EPHB1: variants seen among roughly 807,000 people sequenced by gnomAD.
The protein encoded by EPHB1 is ephrin type-B receptor 1.
Under a neutral mutation model 94.4 loss-of-function variants are expected in EPHB1, and 30 were observed. The ratio of observed to expected loss-of-function variants is 0.32; its 90% CI spans 0.24 to 0.43. The LOEUF (loss-of-function observed/expected upper bound fraction) is 0.43. Among genes scored for constraint, EPHB1 ranks in the 20% least tolerant of loss-of-function variants. The probability of loss-of-function intolerance (pLI) is 1.00; values close to 1 mark genes in which losing one functional copy is unlikely to be tolerated. For synonymous variants in EPHB1, 522 were observed against 489.1 expected, an observed-to-expected ratio of 1.07 and a Z score of -0.89; for missense variants, 1,055 against 1,308.3, an observed-to-expected ratio of 0.81 and a Z score of 2.99.
chr3:134,885,866 TGC>T (rs1413041950), intron 1 of EPHB1, among the ~76,000 whole-genome samples: 1 of 152,106 alleles, frequency 6.6e-6, no homozygotes, highest in Non-Finnish European at 1.5e-5. Flanking sequence ...TACAGTGTGG[TGC>T]GTGTGAGCCT....
At chr3:135,061,392 A>T (rs1937507063) in intron 3 of EPHB1, among the ~76,000 whole-genome samples, 2 of 36,478 alleles carry the variant, frequency 5.5e-5, no homozygotes. Flanking sequence ...AAGTCCCCAA[A>T]GTCCATTGCA....
chr3:135,016,164 C>T (rs887360257), intron 3 of EPHB1, among the ~76,000 whole-genome samples: 10 of 152,170 alleles, frequency 6.6e-5, no homozygotes, highest in African/African-American at 1.4e-4. Context: ...TCAGCTGCCA[C>T]GTCTACTTTA....
chr3:135,218,303 A>G (rs1454463066), intron 12 of EPHB1, among the ~76,000 whole-genome samples: 1 of 152,198 alleles, frequency 6.6e-6, no homozygotes, highest in Non-Finnish European at 1.5e-5. Flanking sequence ...ATTCTTCTTC[A>G]GGCAGATTTG....
At chr3:135,203,779 A>G (rs534748860) in intron 12 of EPHB1, among the ~76,000 whole-genome samples, 1 of 152,266 alleles carries the variant, frequency 6.6e-6, no homozygotes, top group East Asian at 1.9e-4. Flanking sequence ...TATTATGCCT[A>G]TTCCTCTGTG....
At chr3:134,822,083 T>A (rs1185721364) in intron 1 of EPHB1, among the ~76,000 whole-genome samples, 1 of 152,156 alleles carries the variant, frequency 6.6e-6, no homozygotes, top group South Asian at 2.1e-4. Context: ...GTAGGAGATA[T>A]CTCTGCTTCA....
chr3:135,000,886 A>C (rs1935150535), intron 3 of EPHB1, among the ~76,000 whole-genome samples: 1 of 152,216 alleles, frequency 6.6e-6, no homozygotes. Context: ...AAACCCTGCC[A>C]GGAGCCAGGA....
intron 1 of EPHB1, among the ~76,000 whole-genome samples, chr3:134,849,745 C>A (rs1338863848): frequency 3.3e-5 from 5 of 152,228 alleles, no homozygotes; most frequent in Non-Finnish European, 7.3e-5. Context: ...CCAGCCCTCG[C>A]ATGGCTGCCT....
chr3:135,106,905 C>G (rs868716325), intron 4 of EPHB1, among the ~76,000 whole-genome samples: 4 of 152,150 alleles, frequency 2.6e-5, no homozygotes, highest in Non-Finnish European at 5.9e-5. Context: ...TCTTTGGATG[C>G]AAAATCATGA....
chr3:134,852,655 T>C (rs1321012847), intron 1 of EPHB1: 1 of 103,238 alleles, frequency 9.7e-6, no homozygotes, highest in Non-Finnish European at 2.1e-5. Flanking sequence ...ATCTGTGCAG[T>C]AAATGTGGGG....
intron 3 of EPHB1, among the ~76,000 whole-genome samples, chr3:134,973,232 T>A (rs1934048204): frequency 6.6e-6 from 1 of 152,142 alleles, no homozygotes; most frequent in African/African-American, 2.4e-5. Context: ...TCTCTGGCTG[T>A]GTTCACTGGC....
At chr3:135,095,563 G>A (rs1472628360) in intron 3 of EPHB1, among the ~76,000 whole-genome samples, 1 of 152,110 alleles carries the variant, frequency 6.6e-6, no homozygotes, top group Non-Finnish European at 1.5e-5. Context: ...CCAATTTCAA[G>A]CCTATCAAGT....
intron 3 of EPHB1, among the ~76,000 whole-genome samples, chr3:135,047,620 G>C (rs1937039654): frequency 6.6e-6 from 1 of 152,194 alleles, no homozygotes; most frequent in African/African-American, 2.4e-5. Context: ...TCTCTGTAGT[G>C]CATTGATTCT....
At chr3:134,942,590 A>T (rs1213501133) in intron 2 of EPHB1, among the ~76,000 whole-genome samples, 3 of 152,216 alleles carry the variant, frequency 2.0e-5, no homozygotes, top group African/African-American at 7.2e-5. Context: ...CATCCCGGTT[A>T]TTTATCAGGA....
At position 135,057,475 on chromosome 3, in the gene EPHB1, C is replaced by A. The variant is rs143899823; in HGVS notation, c.806-48973C>A. Among the ~76,000 whole-genome samples the A allele has an allele frequency of 2.1e-3, 319 of 152,252 alleles. 4 individuals carry two copies. The highest frequency in any genetic ancestry group is 7.5e-3 in the African/African-American group (313 of 41,546). ...TCTTCCCCAGTGGAAGGGCCAGGGT[C>A]TCTGCTGGGTTCTTCCCATCTGTGA... On this transcript the variant is annotated intron_variant, in intron 3 of 15. Transcript: ENST00000398015.
intron 5 of EPHB1, among the ~76,000 whole-genome samples, chr3:135,144,619 C>T (rs1940949064): frequency 6.6e-6 from 1 of 152,184 alleles, no homozygotes; most frequent in African/African-American, 2.4e-5. Flanking sequence ...TCCACATTCC[C>T]AGATCAGCCA....
rs551501350 is a variant in EPHB1, at chr3:135,145,418, C to T, written c.1298-8734C>T. 2.7e-3 allele frequency among the ~76,000 whole-genome samples: 411 copies of T among 152,270 alleles called. 6 individuals are homozygous for T. The highest frequency in any genetic ancestry group is 0.01 in the Middle Eastern group (3 of 294). On this transcript the variant is annotated intron_variant, in intron 5 of 15. Coordinates refer to ENST00000398015, the MANE Select transcript of EPHB1 (RefSeq NM_004441.5). ...CTTCTAGGATCTCACAGAAGTCCCTCGAGGGGACTTCTGGAGACTGCTCAG... is the reference window on the plus strand; with the variant it reads ...CTTCTAGGATCTCACAGAAGTCCCTTGAGGGGACTTCTGGAGACTGCTCAG...
rs777294211 is a variant in EPHB1 at position 135,249,436 on chromosome 3, A to G, written c.2791A>G (p.Ser931Gly). 1.9e-6 allele frequency: 3 copies of G among 1,614,050 alleles called. No homozygotes were observed. Among genetic ancestry groups the G allele is most frequent in the Non-Finnish European group, 2.5e-6 (3 of 1,179,900 alleles). The change falls in exon 15 of 16, where the codon AGC becomes GGC. Residue 931 changes from serine to glycine, a missense_variant. Transcript: ENST00000398015. ...CATCAAAATGGTCCAGTACAGGGACAGCTTCCTCACTGCTGGCTTCACCTC... is the reference window on the plus strand; with the variant it reads ...CATCAAAATGGTCCAGTACAGGGACGGCTTCCTCACTGCTGGCTTCACCTC... ...SAIKMVQYRD[S>G]FLTAGFTSLQ...
intron 7 of EPHB1, among the ~76,000 whole-genome samples, chr3:135,164,800 C>A: frequency 1.1e-5 from 1 of 89,098 alleles, no homozygotes. Context: ...CAGAGCAAGA[C>A]TGTCTCAAAA....
chr3:135,167,495 C>T (rs1424578782), intron 9 of EPHB1, among the ~76,000 whole-genome samples: 1 of 152,224 alleles, frequency 6.6e-6, no homozygotes, highest in Non-Finnish European at 1.5e-5. Context: ...AAGTGTTTTC[C>T]TTTAAGCAGT....
Sources: allele counts gnomAD v4.1 joint callset (sites outside exome capture counted in the v4.1 genomes callset), GRCh38; gene constraint gnomAD v4.1.1; transcripts MANE v1.5; gene names NCBI Gene and HGNC (gene_info 2026-07-23, HGNC 2026-07-21).